The following GRID1 variants were observed in gnomAD, a reference collection of about 807,000 sequenced individuals.
GRID1 encodes the protein glutamate ionotropic receptor delta type subunit 1, also known as glutamate receptor ionotropic, delta-1.
In GRID1, 28 loss-of-function variants were observed where a neutral mutation model predicts 98.0. The observed-to-expected ratio is 0.29, with a 90% CI of 0.21 to 0.39. GRID1 has a LOEUF of 0.39. GRID1 is among the 10% of genes least tolerant of loss of function. The pLI is 1.00. For missense variants in GRID1, 1,111 were observed against 1,340.5 expected (o/e 0.83, Z 2.67); for synonymous variants, 553 against 538.5 (o/e 1.03, Z -0.37).
At chr10:85,776,677 A>G (rs1298533682) in intron 8 of GRID1, among the ~76,000 whole-genome samples, 2 of 152,228 alleles carry the variant, frequency 1.3e-5, no homozygotes, top group Non-Finnish European at 2.9e-5. Context: ...TCAAGCCTCT[A>G]TGTCAACAAG....
At chr10:86,037,401 A>G (rs961881373) in intron 4 of GRID1, among the ~76,000 whole-genome samples, 3 of 152,208 alleles carry the variant, frequency 2.0e-5, no homozygotes, top group African/African-American at 7.2e-5. Flanking sequence ...TCATCCAGAA[A>G]AGGATATAGT....
chr10:86,212,964 G>A (rs1846127430), intron 2 of GRID1, among the ~76,000 whole-genome samples: 1 of 152,138 alleles, frequency 6.6e-6, no homozygotes, highest in Admixed American at 6.5e-5. Flanking sequence ...CCTGGAGTGA[G>A]CTGGCTCTCC....
At chr10:86,281,253 G>A (rs1205748384) in intron 2 of GRID1, among the ~76,000 whole-genome samples, 1 of 152,246 alleles carries the variant, frequency 6.6e-6, no homozygotes, top group Non-Finnish European at 1.5e-5. Flanking sequence ...AAGAAATGGT[G>A]TGGTGAGGGA....
intron 3 of GRID1, among the ~76,000 whole-genome samples, chr10:86,171,193 G>A (rs1010890412): frequency 1.8e-4 from 28 of 152,366 alleles, no homozygotes; most frequent in African/African-American, 6.5e-4. Context: ...CTTTGGACCT[G>A]CCAGGGCAGC....
chr10:86,112,452 T>C (rs920229075), intron 4 of GRID1, among the ~76,000 whole-genome samples: 1 of 152,216 alleles, frequency 6.6e-6, no homozygotes, highest in Non-Finnish European at 1.5e-5. Flanking sequence ...ATAATTAGTC[T>C]GAGATGAAAA....
chr10:85,970,727 G>A (rs996841725), intron 4 of GRID1, among the ~76,000 whole-genome samples: 3 of 152,052 alleles, frequency 2.0e-5, no homozygotes, highest in African/African-American at 7.2e-5. Flanking sequence ...ACATCATACT[G>A]AATGATGAAA....
chr10:85,620,724 C>A (rs1312908226), intron 13 of GRID1, among the ~76,000 whole-genome samples: 1 of 152,200 alleles, frequency 6.6e-6, no homozygotes, highest in Non-Finnish European at 1.5e-5. Flanking sequence ...TGCACACACC[C>A]CTACACATGT....
At chr10:86,230,143 C>A (rs1343602112) in intron 2 of GRID1, among the ~76,000 whole-genome samples, 2 of 152,238 alleles carry the variant, frequency 1.3e-5, no homozygotes, top group Non-Finnish European at 1.5e-5. Flanking sequence ...AGCAGCCCAC[C>A]ACGAGCCCAA....
chr10:85,933,304 A>C (rs973347200), intron 4 of GRID1, among the ~76,000 whole-genome samples: 1 of 106,618 alleles, frequency 9.4e-6, no homozygotes, highest in Non-Finnish European at 2.2e-5. Flanking sequence ...AAAAAAAAAA[A>C]AAAAAAAACT....
chr10:86,074,383 A>C (rs1843850366), intron 4 of GRID1, among the ~76,000 whole-genome samples: 1 of 152,102 alleles, frequency 6.6e-6, no homozygotes, highest in Non-Finnish European at 1.5e-5. Context: ...ACGTGTTCAA[A>C]TGTTTTCATT....
rs548819327 is a variant in GRID1, at chr10:86,052,819, A to G, written c.726+86000T>C. Among the ~76,000 whole-genome samples the G allele has an allele frequency of 5.5e-4, 84 of 152,390 alleles. 1 individual carries two copies. The highest frequency in any genetic ancestry group is 2.0e-3 in the African/African-American group (82 of 41,592). ...ACACCACAACATGTTTGAACTATTC[A>G]TATACATTACATAAAACTAATATGT... On this transcript the variant is annotated intron_variant, in intron 4 of 15. Coordinates refer to ENST00000327946, the MANE Select transcript of GRID1 (RefSeq NM_017551.3).
chr10:86,100,835 G>C (rs1409246517), intron 4 of GRID1, among the ~76,000 whole-genome samples: 1 of 152,106 alleles, frequency 6.6e-6, no homozygotes, highest in East Asian at 1.9e-4. Flanking sequence ...TTCCAATCTT[G>C]GCCTTGCCGA....
intron 4 of GRID1, among the ~76,000 whole-genome samples, chr10:86,131,215 G>A (rs1355229245): frequency 2.0e-5 from 3 of 151,040 alleles, no homozygotes; most frequent in East Asian, 1.9e-4. Context: ...CAGCTTCCCC[G>A]CTGAGCTCCC....
intron 5 of GRID1, among the ~76,000 whole-genome samples, chr10:85,911,926 T>C (rs1310889238): frequency 6.6e-6 from 1 of 152,244 alleles, no homozygotes; most frequent in African/African-American, 2.4e-5. Flanking sequence ...CTGACTGGGC[T>C]TGAACTTGGC....
At chr10:85,723,901 T>C (rs890094100) in intron 11 of GRID1, among the ~76,000 whole-genome samples, 6 of 152,224 alleles carry the variant, frequency 3.9e-5, no homozygotes, top group African/African-American at 1.4e-4. Context: ...CACTAGTGGA[T>C]AGAAGTACCA....
In GRID1 at chr10:85,708,113, T is replaced by TAA. The variant is rs768805148; in HGVS notation, c.1997+14888_1997+14889dup. ...GTGTACCCTAAAACTTAAAGTATAA[T>TAA]AAAAAAAAAAAAAAAAAACACAAGA... On this transcript the variant is annotated intron_variant, in intron 12 of 15. Transcript: ENST00000327946. Among the ~76,000 whole-genome samples, 195 of 120,926 alleles carry TAA rather than the reference T, an allele frequency of 1.6e-3. 1 individual carries two copies. Among genetic ancestry groups the TAA allele is most frequent in the African/African-American group, 2.9e-3 (106 of 36,640 alleles). 79.3% of individuals were successfully genotyped at this position (120,926 alleles called of 152,430 possible).
chr10:86,053,240 TA>T (rs1333373215), intron 4 of GRID1, among the ~76,000 whole-genome samples: 1 of 152,186 alleles, frequency 6.6e-6, no homozygotes, highest in African/African-American at 2.4e-5. Flanking sequence ...CCTTGTGTAA[TA>T]AAAAACAAAA....
Position 86,359,239 on chromosome 10 carries a change from G to A in GRID1, c.235+4702C>T, listed in dbSNP as rs115503835. Among the ~76,000 whole-genome samples the A allele has an allele frequency of 5.6e-3, 856 of 152,310 alleles. 6 individuals are homozygous for A. The highest frequency in any genetic ancestry group is 0.02 in the African/African-American group (812 of 41,562). Reference sequence around the variant, plus strand: ...ACATCACACTCAGAGAGCCTCTGATGGTGTCTGGTGAGGCTGCCAGGAGGA... The same window carrying A: ...ACATCACACTCAGAGAGCCTCTGATAGTGTCTGGTGAGGCTGCCAGGAGGA... On this transcript the variant is annotated intron_variant, in intron 2 of 15. Coordinates refer to ENST00000327946, the MANE Select transcript of GRID1 (RefSeq NM_017551.3).
chr10:85,680,095 C>T (rs1177826796), intron 12 of GRID1, among the ~76,000 whole-genome samples: 1 of 152,168 alleles, frequency 6.6e-6, no homozygotes, highest in African/African-American at 2.4e-5. Flanking sequence ...TCCAAGGAAG[C>T]CCTGGAGTTC....
Sources: allele counts gnomAD v4.1 joint callset (sites outside exome capture counted in the v4.1 genomes callset), GRCh38; gene constraint gnomAD v4.1.1; transcripts MANE v1.5; gene names NCBI Gene and HGNC (gene_info 2026-07-23, HGNC 2026-07-21).